Variants in UHRF2 observed in about 807,000 individuals in gnomAD.
UHRF2 encodes the protein ubiquitin like with PHD and ring finger domains 2.
In UHRF2, 23 loss-of-function variants were observed where a neutral mutation model predicts 96.8. The ratio of observed to expected loss-of-function variants is 0.24; its 90% CI spans 0.17 to 0.34. The LOEUF (loss-of-function observed/expected upper bound fraction) is 0.34, where lower values mean the gene tolerates loss of function less well. Ranked by LOEUF, UHRF2 falls within the 10% of genes least tolerant of loss-of-function variation. UHRF2 has a pLI of 1.00. For synonymous variants in UHRF2, 385 were observed against 332.6 expected (o/e 1.16, Z -1.72); for missense variants, 685 against 981.5 (o/e 0.70, Z 4.04).
At chr9:6,421,999 A>G (rs1001551419) in intron 2 of UHRF2, among the ~76,000 whole-genome samples, 7 of 152,232 alleles carry the variant, frequency 4.6e-5, no homozygotes, top group African/African-American at 1.4e-4. Flanking sequence ...TTTAATCCAT[A>G]ATTCATAGAT....
chr9:6,474,908 TTAAA>T (rs1463754458), intron 4 of UHRF2, among the ~76,000 whole-genome samples: 1 of 152,186 alleles, frequency 6.6e-6, no homozygotes, highest in East Asian at 1.9e-4. Context: ...TGTAGATTTT[TTAAA>T]TAAATTGTTA....
At chr9:6,485,329 C>T (rs895639014) in intron 8 of UHRF2, among the ~76,000 whole-genome samples, 5 of 151,824 alleles carry the variant, frequency 3.3e-5, no homozygotes, top group East Asian at 1.9e-4. Context: ...CATCTTTTTT[C>T]GTATACCTGT....
chr9:6,414,200 G>C (rs1377437042), intron 1 of UHRF2: 2 of 152,308 alleles, frequency 1.3e-5, no homozygotes, highest in African/African-American at 4.8e-5. Context: ...GATTCGAAGG[G>C]TTTCCAGAAC....
Position 6,475,432 on chromosome 9 carries a change from T to C in UHRF2, c.905T>C (p.Val302Ala). 1.9e-6 allele frequency: 3 copies of C among 1,587,996 alleles called. No homozygotes were observed. The highest frequency in any genetic ancestry group is 2.6e-6 in the Non-Finnish European group (3 of 1,166,398). ...GTLNDCKIIS[V>A]DEIFKIERPG... ...TTAAATGACTGCAAGATAATATCTG[T>C]AGATGAAATCTTCAAGATTGAGAGA... Residue 302 changes from valine (V) to alanine (A), a missense_variant, in exon 5 of 16, where the codon GTA becomes GCA. Coordinates refer to ENST00000276893, the MANE Select transcript of UHRF2 (RefSeq NM_152896.3).
Position 6,420,993 on chromosome 9 carries a change from C to A in UHRF2, c.235C>A (p.His79Asn). 1 of 1,614,088 alleles carries A rather than the reference C, an allele frequency of 6.2e-7. No homozygotes were observed. The highest frequency in any genetic ancestry group is 8.5e-7 in the Non-Finnish European group (1 of 1,180,014). The change falls in exon 2 of 16, where the codon CAT (histidine) becomes AAT (asparagine). Residue 79 changes from histidine (H) to asparagine (N), a missense_variant. Transcript: ENST00000276893. ...IQLLVRPDPD[H>N]LPGTSTQIEA... ...GCTGCTAGTTCGCCCAGACCCTGATCATCTTCCTGGCACATCTACACAGAT... is the reference window on the plus strand; with the variant it reads ...GCTGCTAGTTCGCCCAGACCCTGATAATCTTCCTGGCACATCTACACAGAT...
intron 4 of UHRF2, among the ~76,000 whole-genome samples, chr9:6,466,195 G>A (rs1587834587): frequency 6.6e-6 from 1 of 152,140 alleles, no homozygotes; most frequent in South Asian, 2.1e-4. Context: ...GAGGTCAGGA[G>A]TTCGAGACCA....
At chr9:6,416,754 C>G (rs1006289792) in intron 1 of UHRF2, among the ~76,000 whole-genome samples, 9 of 150,280 alleles carry the variant, frequency 6.0e-5, no homozygotes, top group African/African-American at 2.0e-4. Context: ...GTCTCGATCT[C>G]CTGACCTCGT....
Position 6,434,130 on chromosome 9 carries a change from G to A in UHRF2, c.601G>A (p.Val201Ile). 1.2e-6 allele frequency: 2 copies of A among 1,614,096 alleles called. No individual in the cohort carries two copies. The highest frequency in any genetic ancestry group is 1.7e-6 in the Non-Finnish European group (2 of 1,180,012). ...SVPSTSNSDC[V>I]AADEDVIYHI... Reference sequence around the variant, plus strand: ...ACCCTCTACGTCTAATTCAGACTGTGTTGCTGCTGATGAAGACGTTATTTA... The same window carrying A: ...ACCCTCTACGTCTAATTCAGACTGTATTGCTGCTGATGAAGACGTTATTTA... The change falls in exon 3 of 16, where the codon GTT (valine) becomes ATT (isoleucine). Residue 201 changes from valine to isoleucine, a missense_variant. Transcript: ENST00000276893.
At chr9:6,420,744 G>T (rs148726344) in intron 1 of UHRF2, among the ~76,000 whole-genome samples, 168 bp from the exon 2 acceptor site, 14 of 151,862 alleles carry the variant, frequency 9.2e-5, no homozygotes, top group Non-Finnish European at 1.8e-4. Context: ...ATGTATTGGG[G>T]TCCAGAGAAG....
At chr9:6,423,712 G>A (rs1820068788) in intron 2 of UHRF2, among the ~76,000 whole-genome samples, 2 of 151,424 alleles carry the variant, frequency 1.3e-5, no homozygotes, top group African/African-American at 4.9e-5. Context: ...TTGGGAGGCC[G>A]AGGCGGGTGG....
chr9:6,474,277 TG>T (rs1823427629), intron 4 of UHRF2, among the ~76,000 whole-genome samples: 1 of 152,172 alleles, frequency 6.6e-6, no homozygotes, highest in Admixed American at 6.5e-5. Context: ...GGTGGAAGGA[TG>T]GAAAAAGTCT....
At chr9:6,455,186 C>T (rs548556153) in intron 3 of UHRF2, among the ~76,000 whole-genome samples, 9 of 152,224 alleles carry the variant, frequency 5.9e-5, no homozygotes, top group East Asian at 1.9e-4. Flanking sequence ...ATGTGCACAA[C>T]GAGCTCGTTT....
At chr9:6,428,186 T>C (rs1310765657) in intron 2 of UHRF2, among the ~76,000 whole-genome samples, 17 of 152,216 alleles carry the variant, frequency 1.1e-4, no homozygotes, top group Admixed American at 1.1e-3. Flanking sequence ...TAACTTCTTA[T>C]TTCTTTTGTC....
chr9:6,427,376 T>C (rs1325021056), intron 2 of UHRF2, among the ~76,000 whole-genome samples: 2 of 152,142 alleles, frequency 1.3e-5, no homozygotes, highest in South Asian at 2.1e-4. Context: ...TAGGTAAACA[T>C]TTAAACAGTA....
At chr9:6,419,179 A>T (rs374177562) in intron 1 of UHRF2, among the ~76,000 whole-genome samples, 1 of 152,196 alleles carries the variant, frequency 6.6e-6, no homozygotes, top group Non-Finnish European at 1.5e-5. Flanking sequence ...TTTGGCAGGG[A>T]CGCAACTTAG....
At chr9:6,465,589 A>G (rs77445502) in intron 4 of UHRF2, among the ~76,000 whole-genome samples, 79 of 152,298 alleles carry the variant, frequency 5.2e-4, no homozygotes, top group Non-Finnish European at 1.1e-3. Flanking sequence ...TTTTTTTGGT[A>G]CCTACATCTT....
At chr9:6,415,821 AG>A (rs1369355345) in intron 1 of UHRF2, among the ~76,000 whole-genome samples, 4 of 152,170 alleles carry the variant, frequency 2.6e-5, no homozygotes, top group Non-Finnish European at 5.9e-5. Flanking sequence ...ACCCCACGGG[AG>A]ATTCTGATAA....
intron 12 of UHRF2, 141 bp downstream of exon 12, chr9:6,498,299 CAG>C (rs1375978304): frequency 1.2e-5 from 11 of 910,698 alleles, no homozygotes; most frequent in South Asian, 5.0e-5. Flanking sequence ...TGCAAATAGA[CAG>C]AGGAAAAGAA....
At chr9:6,433,446 C>G (rs1820666011) in intron 2 of UHRF2, among the ~76,000 whole-genome samples, 3 of 152,106 alleles carry the variant, frequency 2.0e-5, no homozygotes, top group East Asian at 3.9e-4. Flanking sequence ...GTGCATAATT[C>G]TCTCATTTTC....
Sources: allele counts gnomAD v4.1 joint callset (sites outside exome capture counted in the v4.1 genomes callset), GRCh38; gene constraint gnomAD v4.1.1; transcripts MANE v1.5; gene names NCBI Gene and HGNC (gene_info 2026-07-23, HGNC 2026-07-21).